Variants in CADM2 observed in about 807,000 individuals in gnomAD.
CADM2 encodes the protein cell adhesion molecule 2, also known as immunoglobulin superfamily member 4D.
In CADM2, 12 loss-of-function variants were observed where a neutral mutation model predicts 49.8. The observed-to-expected ratio is 0.24, with a 90% confidence interval of 0.15 to 0.39. The LOEUF (loss-of-function observed/expected upper bound fraction) is 0.39, where lower values mean the gene tolerates loss of function less well. Among genes scored for constraint, CADM2 ranks in the 10% least tolerant of loss-of-function variants. CADM2 has a pLI of 1.00. For missense variants in CADM2, 378 were observed against 492.3 expected (o/e 0.77, Z 2.20); for synonymous variants, 214 against 175.4 (o/e 1.22, Z -1.74).
At chr3:85,380,789 T>C (rs932359848) in intron 1 of CADM2, among the ~76,000 whole-genome samples, 1 of 152,002 alleles carries the variant, frequency 6.6e-6, no homozygotes, top group Non-Finnish European at 1.5e-5. Flanking sequence ...AATTACTTTT[T>C]TTAGAATATA....
chr3:85,342,766 T>C (rs1456415822), intron 1 of CADM2, among the ~76,000 whole-genome samples: 2 of 152,156 alleles, frequency 1.3e-5, no homozygotes, highest in East Asian at 3.9e-4. Flanking sequence ...AGAGTAGTTA[T>C]GGATTTATAT....
chr3:85,290,393 G>A (rs2106930021), intron 1 of CADM2, among the ~76,000 whole-genome samples: 1 of 152,316 alleles, frequency 6.6e-6, no homozygotes, highest in East Asian at 1.9e-4. Context: ...GGCTTGCTTA[G>A]GTAAACAAAG....
chr3:85,449,825 C>T (rs576356932), intron 1 of CADM2, among the ~76,000 whole-genome samples: 8 of 151,992 alleles, frequency 5.3e-5, no homozygotes, highest in Non-Finnish European at 1.0e-4. Context: ...GAATAAAAGC[C>T]GATGCCCATG....
intron 5 of CADM2, among the ~76,000 whole-genome samples, chr3:85,901,595 C>T (rs754134496): frequency 6.6e-5 from 10 of 152,132 alleles, no homozygotes; most frequent in African/African-American, 9.7e-5. Flanking sequence ...GTATACCTCC[C>T]AAATTGAAGC....
intron 1 of CADM2, among the ~76,000 whole-genome samples, chr3:85,301,997 A>G (rs1346079557): frequency 1.3e-5 from 2 of 152,046 alleles, no homozygotes; most frequent in African/African-American, 4.8e-5. Flanking sequence ...TTTCAATTTA[A>G]GTGGTTTCTT....
At chr3:85,157,902 C>A (rs1365314466) in intron 1 of CADM2, among the ~76,000 whole-genome samples, 2 of 152,138 alleles carry the variant, frequency 1.3e-5, no homozygotes, top group Non-Finnish European at 2.9e-5. Flanking sequence ...AGTGAACAGG[C>A]AACCTACAAA....
intron 3 of CADM2, among the ~76,000 whole-genome samples, chr3:85,815,408 G>A (rs1050497947): frequency 4.6e-5 from 7 of 152,042 alleles, no homozygotes; most frequent in East Asian, 3.9e-4. Context: ...TGATCAAGTC[G>A]GCTTCATACT....
Position 85,687,439 on chromosome 3 carries a change from A to G in CADM2, c.62-39083A>G, listed in dbSNP as rs117617587. On this transcript the variant is annotated intron_variant, in intron 1 of 9. Transcript: ENST00000383699. ...GAGAGAAAAACGATGATGAAATGAA[A>G]GTAATTAAAAATTGTGGTAAAGGGA... Among the ~76,000 whole-genome samples, 87 of 152,284 alleles carry G rather than the reference A, an allele frequency of 5.7e-4. 1 individual carries two copies. The East Asian group carries it at 0.017, about 29-fold the overall frequency.
At chr3:85,826,236 G>T (rs888575645) in intron 3 of CADM2, among the ~76,000 whole-genome samples, 1 of 151,912 alleles carries the variant, frequency 6.6e-6, no homozygotes, top group Non-Finnish European at 1.5e-5. Flanking sequence ...CGATACCAAT[G>T]AGTTAATCAT....
At chr3:85,724,490 G>A (rs2067617225) in intron 1 of CADM2, among the ~76,000 whole-genome samples, 1 of 151,398 alleles carries the variant, frequency 6.6e-6, no homozygotes, top group African/African-American at 2.4e-5. Flanking sequence ...ACAGAATACA[G>A]CAAGATGCTC....
chr3:85,560,174 C>G (rs1336154168), intron 1 of CADM2, among the ~76,000 whole-genome samples: 1 of 152,160 alleles, frequency 6.6e-6, no homozygotes, highest in Non-Finnish European at 1.5e-5. Context: ...TTCCTATATG[C>G]CTGCGGTTGC....
At position 85,764,598 on chromosome 3, in the gene CADM2, C is replaced by A. The variant is rs2069561419; in HGVS notation, c.89-37449C>A. 2.0e-5 allele frequency among the ~76,000 whole-genome samples: 3 copies of A among 151,954 alleles called. 1 individual carries two copies. Among genetic ancestry groups the A allele is most frequent in the African/African-American group, 7.2e-5 (3 of 41,402 alleles). ...TAAAATTAGCATTTGAAAGACTTAA[C>A]AAGGAATATTTTCTCATGTAAAATG... is the stretch of plus-strand genomic sequence containing the variant. On this transcript the variant is annotated intron_variant, in intron 2 of 9. Coordinates refer to ENST00000383699, the MANE Select transcript of CADM2 (RefSeq NM_001167675.2).
intron 1 of CADM2, among the ~76,000 whole-genome samples, chr3:85,071,500 A>G (rs1351561307): frequency 1.3e-5 from 2 of 152,172 alleles, no homozygotes; most frequent in African/African-American, 2.4e-5. Context: ...TAAGGTGCCA[A>G]TATCAGACAC....
At chr3:86,019,823 A>G (rs1214418966) in intron 8 of CADM2, among the ~76,000 whole-genome samples, 3 of 152,134 alleles carry the variant, frequency 2.0e-5, no homozygotes, top group Admixed American at 1.3e-4. Flanking sequence ...GTCGTCTGCA[A>G]ACAGGGACAA....
intron 1 of CADM2, among the ~76,000 whole-genome samples, chr3:85,518,983 A>G (rs2106885403): frequency 6.6e-6 from 1 of 152,304 alleles, no homozygotes; most frequent in South Asian, 2.1e-4. Flanking sequence ...CTGAAAAAAG[A>G]AAGTTATACT....
intron 7 of CADM2, among the ~76,000 whole-genome samples, chr3:85,949,405 A>G (rs1475677575): frequency 1.3e-5 from 2 of 151,312 alleles, no homozygotes; most frequent in South Asian, 2.1e-4. Flanking sequence ...AGCTATGAGA[A>G]AGCTGGGTAT....
Position 85,468,333 on chromosome 3 carries a change from G to A in CADM2, c.62-258189G>A, listed in dbSNP as rs2038613141. On this transcript the variant is annotated intron_variant, in intron 1 of 9. Coordinates refer to ENST00000383699, the MANE Select transcript of CADM2 (RefSeq NM_001167675.2). ...ACATTAGGTGAACTGTTGTGTCTAA[G>A]CCCCCAGTCTGAGTTAGTGTGGGTG... Among the ~76,000 whole-genome samples the A allele has an allele frequency of 1.3e-5, 2 of 151,952 alleles. 1 individual carries two copies. Among genetic ancestry groups the A allele is most frequent in the South Asian group, 4.1e-4 (2 of 4,822 alleles).
At chr3:85,146,177 A>G (rs2039732882) in intron 1 of CADM2, among the ~76,000 whole-genome samples, 1 of 152,194 alleles carries the variant, frequency 6.6e-6, no homozygotes. Flanking sequence ...GCTAATAACT[A>G]GACTTGGCAT....
At chr3:86,015,047 G>A (rs1414600132) in intron 8 of CADM2, 5 of 802,530 alleles carry the variant, frequency 6.2e-6, no homozygotes, top group African/African-American at 5.1e-5. Flanking sequence ...ATTTAATGGC[G>A]GACACACACG....
Sources: allele counts gnomAD v4.1 joint callset (sites outside exome capture counted in the v4.1 genomes callset), GRCh38; gene constraint gnomAD v4.1.1; transcripts MANE v1.5; gene names NCBI Gene and HGNC (gene_info 2026-07-23, HGNC 2026-07-21).